Variants in MSX1 observed in about 807,000 individuals in gnomAD.
MSX1 encodes msh homeobox 1.
In MSX1, 11 loss-of-function variants were observed where a neutral mutation model predicts 17.0. That is an observed-to-expected ratio of 0.65 (90% CI 0.41 to 1.07). MSX1 has a LOEUF of 1.07. MSX1 is among the 50% of genes least tolerant of loss of function. The pLI is 0.00. For missense variants in MSX1, 477 were observed against 440.1 expected, an observed-to-expected ratio of 1.08 and a Z score of -0.75; for synonymous variants, 253 against 211.8, an observed-to-expected ratio of 1.19 and a Z score of -1.69.
intron 1 of MSX1, 29 bp downstream of exon 1, chr4:4,860,397 GA>G: frequency 6.9e-7 from 1 of 1,449,552 alleles, no homozygotes. Context: ...GGCGCAGAGG[GA>G]GGGGGCCGGG....
In MSX1 at chr4:4,862,254, C is replaced by G. The variant is rs541025445; in HGVS notation, c.470-447C>G. On this transcript the variant is annotated intron_variant, in intron 1 of 1. Coordinates refer to ENST00000382723, the MANE Select transcript of MSX1 (RefSeq NM_002448.3). ...GGCACTGATAAATGTTTGGCCAACGCGTAAAACTAAATGTGCCCTTGGGCT... is the reference window on the plus strand; with the variant it reads ...GGCACTGATAAATGTTTGGCCAACGGGTAAAACTAAATGTGCCCTTGGGCT... Among the ~76,000 whole-genome samples, 3 of 152,354 alleles carry G rather than the reference C, an allele frequency of 2.0e-5. No homozygotes were observed. The South Asian group carries it at 6.2e-4, about 32-fold the overall frequency.
At chr4:4,860,398 A>T in intron 1 of MSX1, 30 bp downstream of exon 1, 217 of 1,388,580 alleles carry the variant, frequency 1.6e-4, no homozygotes, top group Middle Eastern at 2.5e-4. Flanking sequence ...GCGCAGAGGG[A>T]GGGGGCCGGG....
chr4:4,859,763 GGCGGGAGGCGCGC>G lies in MSX1; in HGVS notation c.-128_-116del, dbSNP rs1560309148. The G allele has an allele frequency of 5.4e-6, 3 of 550,734 alleles. No homozygotes were observed. The highest frequency in any genetic ancestry group is 7.5e-6 in the Non-Finnish European group (3 of 399,918). The allele number at this position is 550,734 out of a possible 1,614,324, so 34.1% of individuals were successfully genotyped here. A position where few individuals can be genotyped will look rare whatever the true frequency, so the allele number is the denominator to read the frequency against. ...CGCCGGAGCTGGCCTGCTGGGGAGG[GGCGGGAGGCGCGC>G]GCGGGAGGGTCCGCCCGGCCAGGGC... On this transcript the variant is annotated 5_prime_UTR_variant, in exon 1 of 2. Transcript: ENST00000382723.
In MSX1 at chr4:4,862,860, G is replaced by A. The variant is rs143068777; in HGVS notation, c.629G>A (p.Ser210Asn). Residue 210 changes from serine to asparagine, a missense_variant, in exon 2 of 2, where the codon AGC (serine) becomes AAC (asparagine). Physicochemically the swap from Ser to Asn is conservative, Grantham distance 46. Coordinates refer to ENST00000382723, the MANE Select transcript of MSX1 (RefSeq NM_002448.3). ...CGCGCGGAGTTCTCCAGCTCGCTCA[G>A]CCTCACTGAGACGCAGGTGAAGATA... ...AERAEFSSSL[S>N]LTETQVKIWF... 143 of 1,613,822 alleles carry A rather than the reference G, an allele frequency of 8.9e-5. No homozygotes were observed. The African/African-American group carries it at 1.7e-3, about 19-fold the overall frequency.
chr4:4,862,132 A>G (rs1737930438), intron 1 of MSX1, among the ~76,000 whole-genome samples: 1 of 152,252 alleles, frequency 6.6e-6, no homozygotes, highest in African/African-American at 2.4e-5. Context: ...AACTACTCCT[A>G]GAATCCCGTA....
chr4:4,863,113 T>C lies in MSX1; in HGVS notation c.882T>C (p.His294=). ...CGCCCGTGGGACTCTACACGGCCCA[T>C]GTGGGCTACAGCATGTACCACCTGA... The part of the protein sequence containing the change: ...PVAPVGLYTA[H]VGYSMYHLT The change falls in exon 2 of 2, where the codon CAT becomes CAC. Residue 294 remains histidine (H), a synonymous_variant. Transcript: ENST00000382723. 2 of 1,608,840 alleles carry C rather than the reference T, an allele frequency of 1.2e-6. No homozygotes were observed. Among genetic ancestry groups the C allele is most frequent in the South Asian group, 1.1e-5 (1 of 90,896 alleles).
chr4:4,859,929 G>A lies in MSX1; in HGVS notation c.30G>A (p.Leu10=), dbSNP rs550659124. The change falls in exon 1 of 2, where the codon TTG becomes TTA. Residue 10 remains leucine, a synonymous_variant. Transcript: ENST00000382723. ...CCCCGGCTGCTGACATGACTTCTTT[G>A]CCACTCGGTGTCAAAGTGGAGGACT... MAPAADMTS[L]PLGVKVEDSA... is the part of the protein sequence containing the mutation. 3 of 1,497,452 alleles carry A rather than the reference G, an allele frequency of 2.0e-6. No individual in the cohort carries two copies. The highest frequency in any genetic ancestry group is 2.9e-5 in the African/African-American group (2 of 68,794). The allele number at this position is 1,497,452 out of a possible 1,614,324, so 92.8% of individuals were successfully genotyped here.
At chr4:4,861,340 G>T (rs1737912543) in intron 1 of MSX1, among the ~76,000 whole-genome samples, 1 of 152,238 alleles carries the variant, frequency 6.6e-6, no homozygotes, top group South Asian at 2.1e-4. Context: ...GCGGCCCGGC[G>T]GAAAGCTAGT....
In MSX1 at chr4:4,860,177, C is replaced by A; in HGVS notation, c.278C>A (p.Ala93Glu). 1 of 1,508,740 alleles carries A rather than the reference C, an allele frequency of 6.6e-7. No individual in the cohort carries two copies. Among genetic ancestry groups the A allele is most frequent in the Non-Finnish European group, 8.8e-7 (1 of 1,135,664 alleles). 93.5% of individuals were successfully genotyped at this position (1,508,740 alleles called of 1,614,324 possible). ...GGCGTGCAGGCGGCGGGTGGCTCGG[C>A]GCAGCCACTGGGCGTCCCGCCGGGG... ...SEGVQAAGGS[A>E]QPLGVPPGSL... Residue 93 changes from alanine (A) to glutamate (E), a missense_variant, in exon 1 of 2, where the codon GCG (alanine) becomes GAG (glutamate). Physicochemically the swap from Ala to Glu is moderately radical, Grantham distance 107. Transcript: ENST00000382723.
chr4:4,861,369 C>T (rs949820612), intron 1 of MSX1, among the ~76,000 whole-genome samples: 3 of 152,216 alleles, frequency 2.0e-5, no homozygotes, highest in Admixed American at 6.5e-5. Flanking sequence ...AAGCGCTTCC[C>T]GGACTCCCGG....
intron 1 of MSX1, among the ~76,000 whole-genome samples, chr4:4,861,556 G>C (rs563022016): frequency 6.6e-6 from 1 of 152,390 alleles, no homozygotes; most frequent in African/African-American, 2.4e-5. Context: ...CAAAACCCGC[G>C]TGGTGAAACA....
intron 1 of MSX1, 23 bp from the exon 2 acceptor site, chr4:4,862,677 CT>C (rs33929633): frequency 0.22 from 357,490 of 1,597,580 alleles, 41,541 homozygotes; most frequent in Middle Eastern, 0.27. Context: ...TAACCCCTTG[CT>C]TTTTTTTTCT....
At position 4,862,854 on chromosome 4, in the gene MSX1, C is replaced by T; in HGVS notation, c.623C>T (p.Ser208Leu). Reference protein sequence around the residue: ...SIAERAEFSSSLSLTETQVKI... With the variant: ...SIAERAEFSSLLSLTETQVKI... Reference sequence around the variant, plus strand: ...GCCGAGCGCGCGGAGTTCTCCAGCTCGCTCAGCCTCACTGAGACGCAGGTG... The same window carrying T: ...GCCGAGCGCGCGGAGTTCTCCAGCTTGCTCAGCCTCACTGAGACGCAGGTG... The change falls in exon 2 of 2, where the codon TCG (serine) becomes TTG (leucine). Residue 208 changes from serine to leucine, a missense_variant. Coordinates refer to ENST00000382723, the MANE Select transcript of MSX1 (RefSeq NM_002448.3). 1.2e-6 allele frequency: 2 copies of T among 1,613,838 alleles called. No homozygotes were observed. The highest frequency in any genetic ancestry group is 8.5e-7 in the Non-Finnish European group (1 of 1,180,024).
Position 4,860,174 on chromosome 4 carries a change from C to T in MSX1, c.275C>T (p.Ser92Leu), listed in dbSNP as rs1369045142. Residue 92 changes from serine to leucine, a missense_variant, in exon 1 of 2, where the codon TCG (serine) becomes TTG (leucine). By Grantham distance (145) the Ser-to-Leu change is moderately radical. Coordinates refer to ENST00000382723, the MANE Select transcript of MSX1 (RefSeq NM_002448.3). Reference sequence around the variant, plus strand: ...GAGGGCGTGCAGGCGGCGGGTGGCTCGGCGCAGCCACTGGGCGTCCCGCCG... The same window carrying T: ...GAGGGCGTGCAGGCGGCGGGTGGCTTGGCGCAGCCACTGGGCGTCCCGCCG... ...PSEGVQAAGG[S>L]AQPLGVPPGS... is the part of the protein sequence containing the mutation. The T allele has an allele frequency of 2.0e-6, 3 of 1,506,406 alleles. No homozygotes were observed. Among genetic ancestry groups the T allele is most frequent in the Non-Finnish European group, 2.6e-6 (3 of 1,134,762 alleles). The allele number at this position is 1,506,406 out of a possible 1,614,324, so 93.3% of individuals were successfully genotyped here.
rs1412315816 is a variant in MSX1, at chr4:4,860,311, G to C, written c.412G>C (p.Glu138Gln). The part of the protein sequence containing the change: ...EDALVKAESP[E>Q]KPERTPWMQS... ...TGCGCTCGTCAAAGCCGAGAGCCCC[G>C]AGAAGCCCGAGAGGACCCCGTGGAT... is the stretch of plus-strand genomic sequence containing the variant. Residue 138 changes from glutamate (E) to glutamine (Q), a missense_variant, in exon 1 of 2, where the codon GAG becomes CAG. Physicochemically the swap from Glu to Gln is conservative, Grantham distance 29 (BLOSUM62 2). This residue lies in a region of MSX1 where 355 missense variants were observed against 306.1 expected (regional missense o/e 1.16). Transcript: ENST00000382723. The C allele has an allele frequency of 6.2e-7, 1 of 1,603,236 alleles. No homozygotes were observed. The highest frequency in any genetic ancestry group is 8.5e-7 in the Non-Finnish European group (1 of 1,179,666).
rs1737980067 is a variant in MSX1 at position 4,863,583 on chromosome 4, A to AAAAAAAAAAAAAAG, written c.*445_*446insAAAAAAAAGAAAAA. On this transcript the variant is annotated 3_prime_UTR_variant, in exon 2 of 2. Coordinates refer to ENST00000382723, the MANE Select transcript of MSX1 (RefSeq NM_002448.3). ...AAAAAAAAAAAAAAAAAAAAAAAAA[A>AAAAAAAAAAAAAAG]AAAAAGAAAAGAGAAAAAAAAGACT... 7.4e-6 allele frequency: 1 copy of AAAAAAAAAAAAAAG among 135,366 alleles called. No homozygotes were observed. The highest frequency in any genetic ancestry group is 1.6e-5 in the Non-Finnish European group (1 of 64,008). The allele number at this position is 135,366 out of a possible 1,614,324, so 8.4% of individuals were successfully genotyped here.
chr4:4,862,561 C>T, intron 1 of MSX1, 140 bp from the exon 2 acceptor site: 1 of 982,192 alleles, frequency 1.0e-6, no homozygotes, highest in Non-Finnish European at 1.6e-6. Context: ...ATTTCAAGTG[C>T]CTTGCGCGAT....
rs748795757 is a variant in MSX1, at chr4:4,860,009, C to A, written c.110C>A (p.Ala37Glu). ...GGAGQAPSAA[A>E]ATAAAMGADE... Reference sequence around the variant, plus strand: ...GCGGGCCAGGCCCCCAGCGCCGCCGCGGCCACGGCAGCCGCCATGGGCGCG... The same window carrying A: ...GCGGGCCAGGCCCCCAGCGCCGCCGAGGCCACGGCAGCCGCCATGGGCGCG... The change falls in exon 1 of 2, where the codon GCG becomes GAG. Residue 37 changes from alanine (A) to glutamate (E), a missense_variant. By Grantham distance (107) the Ala-to-Glu change is moderately radical. Around this residue, in one of 3 missense-constraint regions of MSX1, gnomAD observed 355 missense variants for 306.1 expected, o/e 1.16. Coordinates refer to ENST00000382723, the MANE Select transcript of MSX1 (RefSeq NM_002448.3). The A allele has an allele frequency of 8.0e-6, 12 of 1,497,478 alleles. No individual in the cohort carries two copies. The highest frequency in any genetic ancestry group is 1.1e-5 in the Non-Finnish European group (12 of 1,124,772). 92.8% of individuals were successfully genotyped at this position (1,497,478 alleles called of 1,614,324 possible). A position where few individuals can be genotyped will look rare whatever the true frequency, so the allele number is the denominator to read the frequency against.
At position 4,863,002 on chromosome 4, in the gene MSX1, C is replaced by A. The variant is rs570138459; in HGVS notation, c.771C>A (p.Leu257=). 9 of 1,612,376 alleles carry A rather than the reference C, an allele frequency of 5.6e-6. No homozygotes were observed. Among genetic ancestry groups the A allele is most frequent in the South Asian group, 5.5e-5 (5 of 91,060 alleles). Residue 257 remains leucine, a synonymous_variant, in exon 2 of 2, where the codon CTC becomes CTA. Coordinates refer to ENST00000382723, the MANE Select transcript of MSX1 (RefSeq NM_002448.3). ...CTGCCTTCGGCCTCTCCTTCCCTCT[C>A]GGCGGCCCCGCAGCTGTAGCGGCCG... ...PPAAFGLSFP[L]GGPAAVAAAA... is the part of the protein sequence containing the mutation.
Sources: gnomAD v4.1 joint callset for allele counts (sites outside exome capture counted in the v4.1 genomes callset) on GRCh38, gnomAD v4.1.1 for gene constraint, gnomAD v4.1.1 regional missense constraint, MANE v1.5 for transcripts, NCBI Gene and HGNC (gene_info 2026-07-23, HGNC 2026-07-21) for gene names.